The following ERBB4 variants were observed in gnomAD, a reference collection of about 807,000 sequenced individuals.
ERBB4 encodes erb-b2 receptor tyrosine kinase 4.
A neutral mutation model predicts 158.0 loss-of-function variants in ERBB4; 42 were observed. The ratio of observed to expected loss-of-function variants is 0.27; its 90% CI spans 0.21 to 0.34. ERBB4 has a LOEUF of 0.34. ERBB4 is among the 10% of genes least tolerant of loss of function. ERBB4 has a pLI of 1.00. For synonymous variants in ERBB4, 583 were observed against 558.7 expected, an observed-to-expected ratio of 1.04 and a Z score of -0.61; for missense variants, 1,333 against 1,624.1, an observed-to-expected ratio of 0.82 and a Z score of 3.08.
chr2:211,688,045 A>G (rs1482688702), intron 12 of ERBB4, among the ~76,000 whole-genome samples: 2 of 152,146 alleles, frequency 1.3e-5, no homozygotes, highest in African/African-American at 4.8e-5. Context: ...CCTTTGAGCT[A>G]TTATCATACA....
intron 1 of ERBB4, among the ~76,000 whole-genome samples, chr2:212,522,890 A>C (rs1383957117): frequency 6.6e-6 from 1 of 152,006 alleles, no homozygotes; most frequent in Non-Finnish European, 1.5e-5. Flanking sequence ...AAGTACCAGC[A>C]ACGGGCTTGG....
intron 3 of ERBB4, among the ~76,000 whole-genome samples, chr2:211,875,025 C>CAAAAAAAAAAAAAAA (rs746636278): frequency 2.6e-4 from 7 of 26,992 alleles, no homozygotes; most frequent in South Asian, 1.9e-3. Context: ...AATAGAAATG[C>CAAAAAAAAAAAAAAA]AAAAAAAAAA....
intron 1 of ERBB4, among the ~76,000 whole-genome samples, chr2:212,489,603 G>A (rs1311786249): frequency 3.3e-5 from 5 of 151,684 alleles, no homozygotes; most frequent in Non-Finnish European, 7.4e-5. Context: ...GCTAGCTCCT[G>A]ATAGCCAATA....
At chr2:211,959,072 C>G (rs562088642) in intron 2 of ERBB4, among the ~76,000 whole-genome samples, 1 of 152,138 alleles carries the variant, frequency 6.6e-6, no homozygotes, top group South Asian at 2.1e-4. Context: ...TTTTCTTCCT[C>G]AAAAAAGTCT....
chr2:211,614,069 A>G (rs1216249999), intron 19 of ERBB4, among the ~76,000 whole-genome samples: 2 of 152,030 alleles, frequency 1.3e-5, no homozygotes, highest in African/African-American at 4.8e-5. Context: ...ACAAATACAC[A>G]GTGGAGCACT....
chr2:212,098,709 T>C (rs2078999626), intron 2 of ERBB4, among the ~76,000 whole-genome samples: 2 of 152,164 alleles, frequency 1.3e-5, no homozygotes, highest in South Asian at 2.1e-4. Flanking sequence ...TATAATGTGA[T>C]GTGCAAATGC....
intron 1 of ERBB4, among the ~76,000 whole-genome samples, chr2:212,312,153 G>C (rs908752709): frequency 6.6e-6 from 1 of 150,886 alleles, no homozygotes; most frequent in African/African-American, 2.4e-5. Flanking sequence ...ACTGCAGGGG[G>C]AGAAAGCAAA....
chr2:212,372,162 C>T (rs1472390263), intron 1 of ERBB4, among the ~76,000 whole-genome samples: 3 of 151,912 alleles, frequency 2.0e-5, no homozygotes, highest in South Asian at 2.1e-4. Flanking sequence ...CTTACTTAAT[C>T]GATAATACAC....
intron 1 of ERBB4, among the ~76,000 whole-genome samples, chr2:212,413,573 T>C (rs1288027151): frequency 6.6e-6 from 1 of 152,154 alleles, no homozygotes; most frequent in African/African-American, 2.4e-5. Flanking sequence ...TATACCTTAT[T>C]TGTCTTATAT....
chr2:212,155,185 TTTCA>T (rs1575716393), intron 1 of ERBB4, among the ~76,000 whole-genome samples: 2 of 152,160 alleles, frequency 1.3e-5, no homozygotes, highest in African/African-American at 4.8e-5. Context: ...AAAGTCTGTC[TTTCA>T]GAGAAAAATG....
intron 17 of ERBB4, 136 bp downstream of exon 17, chr2:211,630,326 A>T: frequency 2.0e-6 from 2 of 983,488 alleles, no homozygotes; most frequent in Non-Finnish European, 1.6e-6. Flanking sequence ...AGCTTTGTTT[A>T]ACGGACTATA....
chr2:211,913,436 A>T (rs1232944588), intron 3 of ERBB4, among the ~76,000 whole-genome samples: 1 of 151,970 alleles, frequency 6.6e-6, no homozygotes, highest in African/African-American at 2.4e-5. Flanking sequence ...CCTCGTCTCG[A>T]CTAAAACTAC....
intron 16 of ERBB4, among the ~76,000 whole-genome samples, chr2:211,636,312 C>G (rs1456913268): frequency 6.6e-6 from 1 of 151,854 alleles, no homozygotes; most frequent in African/African-American, 2.4e-5. Context: ...TGCTTTGGAG[C>G]CAGGCAAATC....
At chr2:211,717,470 T>C (rs1575041807) in intron 7 of ERBB4, among the ~76,000 whole-genome samples, 1 of 152,240 alleles carries the variant, frequency 6.6e-6, no homozygotes. Context: ...CAATTTTTAC[T>C]TTAATGGATA....
Position 211,959,297 on chromosome 2 carries a change from G to A in ERBB4, c.235-11681C>T, listed in dbSNP as rs570306813. 4.3e-4 allele frequency among the ~76,000 whole-genome samples: 66 copies of A among 152,132 alleles called. 1 individual carries two copies. The highest frequency in any genetic ancestry group is 3.5e-3 in the South Asian group (17 of 4,824). On this transcript the variant is annotated intron_variant, in intron 2 of 27. Transcript: ENST00000342788. Reference sequence around the variant, plus strand: ...ACTTCCTTTATCATCTCCAATCTTCGTCTAATGACAAGATTGCCACTAAGA... The same window carrying A: ...ACTTCCTTTATCATCTCCAATCTTCATCTAATGACAAGATTGCCACTAAGA...
intron 2 of ERBB4, among the ~76,000 whole-genome samples, chr2:212,068,371 G>A (rs1367936844): frequency 6.6e-6 from 1 of 151,994 alleles, no homozygotes; most frequent in Non-Finnish European, 1.5e-5. Context: ...CTCAGTTTTT[G>A]CACTAGTTCC....
intron 14 of ERBB4, among the ~76,000 whole-genome samples, chr2:211,669,504 A>G (rs1483378075): frequency 6.6e-6 from 1 of 151,976 alleles, no homozygotes; most frequent in Non-Finnish European, 1.5e-5. Context: ...CTTTCTTCTC[A>G]TATTTCCTCC....
chr2:211,476,267 T>G (rs1019567255), intron 20 of ERBB4, among the ~76,000 whole-genome samples: 1 of 152,054 alleles, frequency 6.6e-6, no homozygotes, highest in Non-Finnish European at 1.5e-5. Flanking sequence ...GAAACCTTTG[T>G]GGGAGTGATG....
At chr2:211,756,673 G>C (rs140043974) in intron 4 of ERBB4, among the ~76,000 whole-genome samples, 147 of 152,306 alleles carry the variant, frequency 9.7e-4, no homozygotes, top group African/African-American at 3.4e-3. Flanking sequence ...TGATTTTATA[G>C]TCTGGTGAGG....
Sources: allele counts gnomAD v4.1 joint callset (sites outside exome capture counted in the v4.1 genomes callset), GRCh38; gene constraint gnomAD v4.1.1; transcripts MANE v1.5; gene names NCBI Gene and HGNC (gene_info 2026-07-23, HGNC 2026-07-21).